NMRK1: variants seen among roughly 807,000 people sequenced by gnomAD.
NMRK1 encodes nicotinamide riboside kinase 1, also known as NRK 1.
A neutral mutation model predicts 29.9 loss-of-function variants in NMRK1; 28 were observed. That is an observed-to-expected ratio of 0.94 (90% CI 0.69 to 1.28). The LOEUF (loss-of-function observed/expected upper bound fraction) is 1.28. NMRK1 is among the 50% of genes most tolerant of loss of function. The pLI is 0.00. For synonymous variants in NMRK1, 58 were observed against 73.0 expected (o/e 0.79, Z 1.05); for missense variants, 218 against 233.1 (o/e 0.94, Z 0.42).
chr9:75,084,303 T>C (rs76264740), intron 1 of NMRK1, among the ~76,000 whole-genome samples: 1,946 of 152,292 alleles, frequency 0.013, 37 homozygotes, highest in African/African-American at 0.044. Context: ...CTCCCAGCAA[T>C]GCTCCAGTTT....
At chr9:75,082,140 T>G (rs1824357870) in intron 2 of NMRK1, among the ~76,000 whole-genome samples, 1 of 152,194 alleles carries the variant, frequency 6.6e-6, no homozygotes, top group Non-Finnish European at 1.5e-5. Context: ...CAAAATGTTC[T>G]GTATGAAGAT....
At chr9:75,080,482 C>T (rs1824254384) in intron 2 of NMRK1, among the ~76,000 whole-genome samples, 1 of 152,050 alleles carries the variant, frequency 6.6e-6, no homozygotes, top group Non-Finnish European at 1.5e-5. Context: ...TGAAACCCCA[C>T]CTCTATTAAA....
chr9:75,075,815 TGCTCCAG>T (rs529444788), intron 4 of NMRK1, among the ~76,000 whole-genome samples: 75 of 152,304 alleles, frequency 4.9e-4, no homozygotes, highest in African/African-American at 1.8e-3. Context: ...GAATATAGTT[TGCTCCAG>T]GCAAAATTCT....
chr9:75,078,345 T>G (rs749152058), intron 2 of NMRK1: 1 of 1,572,982 alleles, frequency 6.4e-7, no homozygotes, highest in Non-Finnish European at 8.6e-7. Flanking sequence ...ACATTTCCTC[T>G]GCGATGCCTC....
At chr9:75,071,093 A>G (rs1000582823) in intron 4 of NMRK1, among the ~76,000 whole-genome samples, 4 of 151,816 alleles carry the variant, frequency 2.6e-5, no homozygotes, top group Non-Finnish European at 5.9e-5. Flanking sequence ...TTCTTTGAAT[A>G]CTTTTTTAGT....
At chr9:75,062,463 T>C (rs1823079135) in intron 8 of NMRK1, among the ~76,000 whole-genome samples, 1 of 152,216 alleles carries the variant, frequency 6.6e-6, no homozygotes. Context: ...TACATTTCTC[T>C]TCAGTGTACA....
intron 7 of NMRK1, 85 bp downstream of exon 7, chr9:75,068,911 T>C (rs1357159527): frequency 1.1e-6 from 1 of 877,682 alleles, no homozygotes; most frequent in Non-Finnish European, 1.9e-6. Flanking sequence ...CATCCCTTTA[T>C]ACTTTTCTAT....
At chr9:75,062,177 G>A (rs890750424) in intron 8 of NMRK1, among the ~76,000 whole-genome samples, 5 of 152,196 alleles carry the variant, frequency 3.3e-5, no homozygotes, top group Non-Finnish European at 5.9e-5. Flanking sequence ...AAGAGTAGGT[G>A]TAGATATTTT....
intron 1 of NMRK1, among the ~76,000 whole-genome samples, chr9:75,084,658 C>CA (rs1824514158): frequency 6.6e-6 from 1 of 152,182 alleles, no homozygotes; most frequent in Non-Finnish European, 1.5e-5. Context: ...GGCATGGTGG[C>CA]ATGCTCCTGT....
At chr9:75,061,590 A>T in intron 8 of NMRK1, 23 bp from the exon 9 acceptor site, 1 of 1,576,312 alleles carries the variant, frequency 6.3e-7, no homozygotes. Flanking sequence ...CATAAAAAGA[A>T]ATTAATGGAG....
Position 75,072,613 on chromosome 9 carries a change from TCAAGA to T in NMRK1, c.170-2576_170-2572del, listed in dbSNP as rs1324276422. Among the ~76,000 whole-genome samples the T allele has an allele frequency of 3.3e-5, 5 of 152,196 alleles. No homozygotes were observed. The East Asian group carries it at 9.7e-4, about 29-fold the overall frequency. On this transcript the variant is annotated intron_variant, in intron 4 of 8. Transcript: ENST00000361092. ...TCATTATTAAAACTGGATGGCGAAC[TCAAGA>T]GAGAGTTCATTATACTTTTCTGCTG...
In NMRK1 at chr9:75,061,355, A is replaced by C; in HGVS notation, c.*193T>G. ...CTCCCTGGAGAGGGAGCAACTTGCT[A>C]AGGTACAGTCCTGTCCATTGGCATG... On this transcript the variant is annotated 3_prime_UTR_variant, in exon 9 of 9. Transcript: ENST00000361092. 3.8e-6 allele frequency: 2 copies of C among 529,514 alleles called. No individual in the cohort carries two copies. Among genetic ancestry groups the C allele is most frequent in the South Asian group, 3.1e-5 (1 of 32,388 alleles). The allele number at this position is 529,514 out of a possible 1,614,324, so 32.8% of individuals were successfully genotyped here.
chr9:75,076,224 G>C (rs1823980059), intron 4 of NMRK1, among the ~76,000 whole-genome samples: 1 of 152,224 alleles, frequency 6.6e-6, no homozygotes, highest in Non-Finnish European at 1.5e-5. Flanking sequence ...GTGTGTATAT[G>C]TAATGGAATA....
rs1824150164 is a variant in NMRK1 at position 75,078,666 on chromosome 9, A to G, written c.30-1086T>C. 6.8e-6 allele frequency: 4 copies of G among 589,522 alleles called. No individual in the cohort carries two copies. In the South Asian group the frequency reaches 2.3e-4, roughly 33 times the overall value. 36.5% of individuals were successfully genotyped at this position (589,522 alleles called of 1,614,324 possible). A position where few individuals can be genotyped will look rare whatever the true frequency, so the allele number is the denominator to read the frequency against. On this transcript the variant is annotated intron_variant, in intron 2 of 8. Coordinates refer to ENST00000361092, the MANE Select transcript of NMRK1 (RefSeq NM_017881.3). The stretch of plus-strand genomic sequence containing the variant: ...TTTCATTGAATTCTGACAGAAATTT[A>G]GCATCTCCTTTAATTATAAATGTAA...
rs780233577 is a variant in NMRK1 at position 75,083,083 on chromosome 9, T to A, written c.29+4A>T. 34 of 1,595,250 alleles carry A rather than the reference T, an allele frequency of 2.1e-5. No individual in the cohort carries two copies. The highest frequency in any genetic ancestry group is 2.9e-5 in the Non-Finnish European group (34 of 1,162,836). On this transcript the variant is annotated splice_donor_region_variant and intron_variant, in intron 2 of 8. Coordinates refer to ENST00000361092, the MANE Select transcript of NMRK1 (RefSeq NM_017881.3). The stretch of plus-strand genomic sequence containing the variant: ...AAAGAGCTGTTTGTAGCAAAATTAC[T>A]CACCCACTGATTCCAATGATAAATG...
intron 6 of NMRK1, 192 bp from the exon 7 acceptor site, chr9:75,069,294 A>C: frequency 1.8e-6 from 1 of 551,054 alleles, no homozygotes; most frequent in East Asian, 2.9e-5. Flanking sequence ...TGATATTAAA[A>C]TTAACTTTGT....
At chr9:75,085,735 T>TG (rs3837220) in intron 1 of NMRK1, among the ~76,000 whole-genome samples, 34,970 of 142,746 alleles carry the variant, frequency 0.24, 5,048 homozygotes, top group East Asian at 0.39. Flanking sequence ...AGTTTTTTTT[T>TG]TTTTTTTTTT....
At chr9:75,068,958 A>C in intron 7 of NMRK1, 38 bp downstream of exon 7, 1 of 1,381,136 alleles carries the variant, frequency 7.2e-7, no homozygotes, top group South Asian at 1.2e-5. Flanking sequence ...GCAAATGACA[A>C]GTAAAAGGCC....
chr9:75,079,255 G>C (rs17060790), intron 2 of NMRK1, among the ~76,000 whole-genome samples: 18,789 of 152,214 alleles, frequency 0.12, 1,193 homozygotes, highest in South Asian at 0.17. Flanking sequence ...CCATCTCTTT[G>C]AAAACGATGA....
Sources: gnomAD v4.1 joint callset for allele counts (sites outside exome capture counted in the v4.1 genomes callset) on GRCh38, gnomAD v4.1.1 for gene constraint, MANE v1.5 for transcripts, NCBI Gene and HGNC (gene_info 2026-07-23, HGNC 2026-07-21) for gene names.